KYAT3: variants seen among roughly 807,000 people sequenced by gnomAD.
KYAT3 encodes kynurenine aminotransferase 3, also known as kynurenine--oxoglutarate transaminase 3.
KYAT3 carries 50 observed loss-of-function variants against 59.0 expected under a neutral mutation model. The observed-to-expected ratio is 0.85, with a 90% confidence interval of 0.68 to 1.07. The LOEUF (loss-of-function observed/expected upper bound fraction) is 1.07. KYAT3 is among the 50% of genes least tolerant of loss of function. The pLI is 0.00. For synonymous variants in KYAT3, 148 were observed against 177.0 expected (o/e 0.84, Z 1.30); for missense variants, 497 against 533.3 (o/e 0.93, Z 0.67).
At chr1:88,990,186 C>T (rs1381649149) in intron 1 of KYAT3, among the ~76,000 whole-genome samples, 1 of 152,102 alleles carries the variant, frequency 6.6e-6, no homozygotes, top group African/African-American at 2.4e-5. Flanking sequence ...CGACTTAGAT[C>T]TCATTCCCTC....
intron 4 of KYAT3, among the ~76,000 whole-genome samples, chr1:88,967,747 T>G (rs1309324485): frequency 6.6e-6 from 1 of 152,198 alleles, no homozygotes; most frequent in Non-Finnish European, 1.5e-5. Flanking sequence ...ATATTCCTTC[T>G]TTCATTCTTC....
chr1:88,942,022 TTCTC>T (rs1295998357), intron 13 of KYAT3, among the ~76,000 whole-genome samples: 5 of 152,242 alleles, frequency 3.3e-5, no homozygotes, highest in African/African-American at 9.6e-5. Context: ...TTCTGTCATA[TTCTC>T]TCTCTTTTTT....
intron 2 of KYAT3, chr1:88,981,359 C>T (rs925122097): frequency 6.6e-6 from 1 of 152,246 alleles, no homozygotes; most frequent in Non-Finnish European, 1.5e-5. Context: ...GAAGAGTTGT[C>T]CCCATGACTT....
At chr1:88,992,129 C>G (rs1677839833) in intron 1 of KYAT3, among the ~76,000 whole-genome samples, 1 of 152,194 alleles carries the variant, frequency 6.6e-6, no homozygotes, top group East Asian at 1.9e-4. Flanking sequence ...CAGGCGCCCG[C>G]CACCACGCCC....
the KYAT3 span, among the ~76,000 whole-genome samples, chr1:88,930,438 C>A: frequency 6.6e-6 from 1 of 152,200 alleles, no homozygotes; most frequent in Admixed American, 6.5e-5. Flanking sequence ...CAAGTAATTG[C>A]TCAAACCTGC....
chr1:88,984,511 T>C (rs1190599763), intron 2 of KYAT3, among the ~76,000 whole-genome samples: 2 of 152,166 alleles, frequency 1.3e-5, no homozygotes, highest in African/African-American at 2.4e-5. Context: ...CGGCTGGCCT[T>C]AACTGGAACT....
At chr1:88,924,368 C>T in the KYAT3 span, among the ~76,000 whole-genome samples, 1 of 152,346 alleles carries the variant, frequency 6.6e-6, no homozygotes, top group South Asian at 2.1e-4. Flanking sequence ...CATGAAATCA[C>T]ACTCTTGCTG....
chr1:88,948,211 T>G (rs1296146236), intron 11 of KYAT3, among the ~76,000 whole-genome samples: 1 of 152,218 alleles, frequency 6.6e-6, no homozygotes, highest in Non-Finnish European at 1.5e-5. Context: ...AAAATTTCCT[T>G]TACTCTTTCC....
chr1:88,982,851 T>C (rs958660134), intron 2 of KYAT3: 1 of 1,613,880 alleles, frequency 6.2e-7, no homozygotes, highest in Non-Finnish European at 8.5e-7. Context: ...CTTGAGTAAC[T>C]GTCTCGACTT....
intron 13 of KYAT3, among the ~76,000 whole-genome samples, chr1:88,940,329 C>G (rs1675189818): frequency 6.6e-6 from 1 of 152,164 alleles, no homozygotes; most frequent in African/African-American, 2.4e-5. Flanking sequence ...GCCTCGGCCT[C>G]CCAAAGTAAT....
At chr1:88,973,543 T>G (rs916955490) in intron 2 of KYAT3, among the ~76,000 whole-genome samples, 2 of 152,188 alleles carry the variant, frequency 1.3e-5, no homozygotes, top group African/African-American at 4.8e-5. Context: ...CTATAAGGCT[T>G]GTATAACTTC....
chr1:88,955,130 A>C lies in KYAT3; in HGVS notation c.864+19T>G, dbSNP rs1292278683. ...TATACAGGCCTATTTTTAAGCAATT[A>C]AATTCTTACTCATCTTACCTTCCAG... On this transcript the variant is annotated intron_variant, in intron 9 of 13. Transcript: ENST00000260508. 1 of 1,522,014 alleles carries C rather than the reference A, an allele frequency of 6.6e-7. No homozygotes were observed. The highest frequency in any genetic ancestry group is 9.1e-7 in the Non-Finnish European group (1 of 1,097,578). The allele number at this position is 1,522,014 out of a possible 1,614,324, so 94.3% of individuals were successfully genotyped here.
intron 2 of KYAT3, among the ~76,000 whole-genome samples, chr1:88,974,259 A>C (rs1676672000): frequency 6.6e-6 from 1 of 152,178 alleles, no homozygotes; most frequent in Non-Finnish European, 1.5e-5. Flanking sequence ...AGTTGCAATC[A>C]TGTGTCATTT....
intron 9 of KYAT3, among the ~76,000 whole-genome samples, chr1:88,953,490 G>C (rs1473489138): frequency 6.7e-6 from 1 of 148,918 alleles, no homozygotes; most frequent in South Asian, 2.1e-4. Flanking sequence ...AGGTTGCAGT[G>C]AGCTGAGATC....
the KYAT3 span, among the ~76,000 whole-genome samples, chr1:88,924,493 T>C: frequency 6.6e-6 from 1 of 152,242 alleles, no homozygotes; most frequent in East Asian, 1.9e-4. Context: ...TATTGCACTA[T>C]TCACCCACAG....
At chr1:88,946,956 T>C (rs985990208) in intron 11 of KYAT3, among the ~76,000 whole-genome samples, 3 of 152,238 alleles carry the variant, frequency 2.0e-5, no homozygotes, top group Admixed American at 2.0e-4. Flanking sequence ...TTGGCATCCA[T>C]TGTGAATATA....
the KYAT3 span, among the ~76,000 whole-genome samples, chr1:88,928,604 G>A: frequency 0.018 from 2,718 of 152,238 alleles, 69 homozygotes; most frequent in African/African-American, 0.046. Context: ...CCCAGGGGAC[G>A]AAGGTCCTCT....
chr1:88,953,545 C>CA (rs67537454), intron 9 of KYAT3, among the ~76,000 whole-genome samples: 136 of 100,878 alleles, frequency 1.3e-3, no homozygotes, highest in African/African-American at 4.1e-3. Context: ...GACTCTATCT[C>CA]AAAAAAAAAA....
chr1:88,961,606 A>G, intron 6 of KYAT3, 100 bp from the exon 7 acceptor site: 1 of 1,042,746 alleles, frequency 9.6e-7, no homozygotes, highest in South Asian at 1.7e-5. Context: ...AAAGAAAGTC[A>G]TGGCAAAGGA....
Sources: allele counts gnomAD v4.1 joint callset (sites outside exome capture counted in the v4.1 genomes callset), GRCh38; gene constraint gnomAD v4.1.1; transcripts MANE v1.5; gene names NCBI Gene and HGNC (gene_info 2026-07-23, HGNC 2026-07-21).